Variants in PTGES3L observed in about 807,000 individuals in gnomAD.
PTGES3L encodes putative protein PTGES3L.
A neutral mutation model predicts 25.0 loss-of-function variants in PTGES3L; 17 were observed. The ratio of observed to expected loss-of-function variants is 0.68; its 90% confidence interval spans 0.47 to 1.02. The LOEUF (loss-of-function observed/expected upper bound fraction) is 1.02. Among genes scored for constraint, PTGES3L ranks in the 50% least tolerant of loss-of-function variants. The pLI is 0.00. For missense variants in PTGES3L, 202 were observed against 197.5 expected, an observed-to-expected ratio of 1.02 and a Z score of -0.14; for synonymous variants, 59 against 65.7, an observed-to-expected ratio of 0.90 and a Z score of 0.50.
At chr17:42,975,489 G>T (rs2049938099) in intron 4 of PTGES3L, among the ~76,000 whole-genome samples, 1 of 152,166 alleles carries the variant, frequency 6.6e-6, no homozygotes, top group Non-Finnish European at 1.5e-5. Context: ...GGCAGAGAGT[G>T]TGGGATGTGC....
intron 5 of PTGES3L, among the ~76,000 whole-genome samples, chr17:42,971,046 CCCA>C (rs2049827155): frequency 2.0e-5 from 3 of 151,214 alleles, no homozygotes; most frequent in African/African-American, 7.3e-5. Flanking sequence ...CGCCTGTAAT[CCCA>C]CCACTTGGGA....
intron 4 of PTGES3L, among the ~76,000 whole-genome samples, chr17:42,976,568 C>A (rs1013108861): frequency 6.6e-6 from 1 of 151,912 alleles, no homozygotes; most frequent in Non-Finnish European, 1.5e-5. Flanking sequence ...TTAGTAGAGA[C>A]GGCGTTTCAC....
At chr17:42,973,231 G>A (rs2049886533) in intron 4 of PTGES3L, among the ~76,000 whole-genome samples, 6 of 149,776 alleles carry the variant, frequency 4.0e-5, no homozygotes, top group Admixed American at 2.0e-4. Context: ...CGCCCCGTCC[G>A]GGAGGGAGGT....
At chr17:42,979,336 C>T (rs772858096) in intron 3 of PTGES3L, 42 bp downstream of exon 3, 1 of 1,614,144 alleles carries the variant, frequency 6.2e-7, no homozygotes, top group African/African-American at 1.3e-5. Flanking sequence ...CCCTGGGCAG[C>T]CCGGTTTCCA....
At chr17:42,970,091 C>T (rs2049804515) in intron 6 of PTGES3L, among the ~76,000 whole-genome samples, 198 bp downstream of exon 6, 1 of 152,162 alleles carries the variant, frequency 6.6e-6, no homozygotes, top group South Asian at 2.1e-4. Context: ...CGGGCCACTG[C>T]ACTCCAACCT....
In PTGES3L at chr17:42,971,659, T is replaced by C. The variant is rs757877361; in HGVS notation, c.326A>G (p.Asp109Gly). ...WLSVDFDNWR[D>G]WEGDEEMELA... ...CTCCATCTCTTCATCCCCTTCCCAG[T>C]CTCTCCAGTTATCAAAGTCCACAGA... Residue 109 changes from aspartate to glycine, a missense_variant, in exon 5 of 7, where the codon GAC becomes GGC. Coordinates refer to ENST00000591916, the MANE Select transcript of PTGES3L (RefSeq NM_001261430.2). 2.3e-5 allele frequency: 37 copies of C among 1,613,962 alleles called. No homozygotes were observed. Among genetic ancestry groups the C allele is most frequent in the Non-Finnish European group, 3.1e-5 (37 of 1,179,992 alleles).
chr17:42,978,943 T>C (rs958011627), intron 4 of PTGES3L, among the ~76,000 whole-genome samples: 1 of 152,060 alleles, frequency 6.6e-6, no homozygotes, highest in African/African-American at 2.4e-5. Flanking sequence ...GAGGCCATGG[T>C]GAGCTGAGAT....
chr17:42,973,244 G>C, intron 4 of PTGES3L, among the ~76,000 whole-genome samples: 1 of 149,286 alleles, frequency 6.7e-6, no homozygotes. Context: ...AGGGAGGTGG[G>C]GGGGTCAGCC....
chr17:42,969,067 C>G lies in PTGES3L; in HGVS notation c.*81G>C. 1 of 1,076,012 alleles carries G rather than the reference C, an allele frequency of 9.3e-7. No homozygotes were observed. Among genetic ancestry groups the G allele is most frequent in the South Asian group, 1.4e-5 (1 of 73,154 alleles). 66.7% of individuals were successfully genotyped at this position (1,076,012 alleles called of 1,614,324 possible). On this transcript the variant is annotated 3_prime_UTR_variant, in exon 7 of 7. Transcript: ENST00000591916. The stretch of plus-strand genomic sequence containing the variant: ...AAGAACTTGGTGCACAGCCAAAGCG[C>G]TGACAAAGGCCTAGGCGCTAGCTTT...
intron 4 of PTGES3L, among the ~76,000 whole-genome samples, chr17:42,977,394 C>CT (rs2049972993): frequency 6.7e-6 from 1 of 150,212 alleles, no homozygotes; most frequent in South Asian, 2.1e-4. Flanking sequence ...CCACTGCACT[C>CT]CAGCCTGGGT....
intron 6 of PTGES3L, 25 bp from the exon 7 acceptor site, chr17:42,969,211 A>C: frequency 7.9e-7 from 1 of 1,265,228 alleles, no homozygotes; most frequent in Non-Finnish European, 1.1e-6. Context: ...GAAAAAAGAC[A>C]AAGCACCTGT....
Position 42,979,580 on chromosome 17 carries a change from A to G in PTGES3L, c.92T>C (p.Val31Ala). Residue 31 changes from valine (V) to alanine (A), a missense_variant, in exon 2 of 7, where the codon GTG becomes GCG. Coordinates refer to ENST00000591916, the MANE Select transcript of PTGES3L (RefSeq NM_001261430.2). ...CACAATGCGGTGATCCTCAATAAGC[A>G]CGTGGACATCGGTGCTGTCCTCAAC... ...FCVEDSTDVH[V>A]LIEDHRIVFS... The G allele has an allele frequency of 6.2e-7, 1 of 1,614,162 alleles. No individual in the cohort carries two copies.
chr17:42,979,146 G>A, intron 4 of PTGES3L, 24 bp downstream of exon 4: 2 of 1,613,576 alleles, frequency 1.2e-6, no homozygotes, highest in Non-Finnish European at 1.7e-6. Flanking sequence ...GAGAGAAGAA[G>A]CAGGCCACTT....
chr17:42,970,382 G>A, intron 5 of PTGES3L, 40 bp from the exon 6 acceptor site: 1 of 1,611,518 alleles, frequency 6.2e-7, no homozygotes, highest in Non-Finnish European at 8.5e-7. Flanking sequence ...AGAAGGGAGT[G>A]AAGGAAGAAC....
chr17:42,979,149 G>C, intron 4 of PTGES3L, 21 bp downstream of exon 4: 1 of 1,613,922 alleles, frequency 6.2e-7, no homozygotes, highest in Non-Finnish European at 8.5e-7. Context: ...AGAAGAAGCA[G>C]GCCACTTTCC....
intron 5 of PTGES3L, among the ~76,000 whole-genome samples, chr17:42,970,900 A>G (rs188389994): frequency 5.5e-4 from 83 of 152,152 alleles, no homozygotes; most frequent in African/African-American, 2.0e-3. Context: ...CCAGCTACTC[A>G]GGTGGCTGAG....
chr17:42,973,534 G>A (rs1372405466), intron 4 of PTGES3L, among the ~76,000 whole-genome samples: 2 of 152,126 alleles, frequency 1.3e-5, no homozygotes, highest in Non-Finnish European at 1.5e-5. Context: ...TGACAATGGC[G>A]GCTTTGTGGA....
chr17:42,971,506 A>G, intron 5 of PTGES3L, 101 bp downstream of exon 5: 1 of 1,303,026 alleles, frequency 7.7e-7, no homozygotes, highest in East Asian at 2.3e-5. Context: ...GAGAGCTTGC[A>G]TATCTCTGCT....
chr17:42,979,035 CTA>C, intron 4 of PTGES3L, 133 bp downstream of exon 4: 1 of 883,276 alleles, frequency 1.1e-6, no homozygotes, highest in Admixed American at 2.2e-5. Context: ...AAAAGAGAGA[CTA>C]ATACAGTTGG....
Sources: allele counts gnomAD v4.1 joint callset (sites outside exome capture counted in the v4.1 genomes callset), GRCh38; gene constraint gnomAD v4.1.1; transcripts MANE v1.5; gene names NCBI Gene and HGNC (gene_info 2026-07-23, HGNC 2026-07-21).